The following CDK6 variants were observed in gnomAD, a reference collection of about 807,000 sequenced individuals.
CDK6 encodes cyclin dependent kinase 6.
Under a neutral mutation model 37.1 loss-of-function variants are expected in CDK6, and 6 were observed. That is an observed-to-expected ratio of 0.16 (90% confidence interval 0.09 to 0.32). The LOEUF is 0.32. Among genes scored for constraint, CDK6 ranks in the 10% least tolerant of loss-of-function variants. The pLI, the probability that CDK6 is intolerant of heterozygous loss-of-function variation, is 1.00. For synonymous variants in CDK6, 160 were observed against 161.3 expected, an observed-to-expected ratio of 0.99 and a Z score of 0.06; for missense variants, 224 against 418.9, an observed-to-expected ratio of 0.53 and a Z score of 4.06.
At chr7:92,710,904 A>C (rs1437628550) in intron 4 of CDK6, 3 of 969,280 alleles carry the variant, frequency 3.1e-6, no homozygotes, top group African/African-American at 3.5e-5. Flanking sequence ...GGCTGAAGTC[A>C]GAACATGCTG....
At chr7:92,670,095 G>A (rs183399096) in intron 5 of CDK6, among the ~76,000 whole-genome samples, 10 of 152,320 alleles carry the variant, frequency 6.6e-5, no homozygotes, top group Admixed American at 5.9e-4. Context: ...AATAGAACTT[G>A]CAAGCTTCCT....
In CDK6 at chr7:92,835,736, C is replaced by G. The variant is rs1801646968; in HGVS notation, c.-368+742G>C. ...AGAGGCCACACCGGGGACCGCGACTCCCGCGTGTGCGCACACGCAGATGCG... is the reference window on the plus strand; with the variant it reads ...AGAGGCCACACCGGGGACCGCGACTGCCGCGTGTGCGCACACGCAGATGCG... On this transcript the variant is annotated intron_variant, in intron 1 of 7. Coordinates refer to ENST00000424848, the MANE Select transcript of CDK6 (RefSeq NM_001145306.2). This position sits in a 1 kb window ranked among gnomAD's most constrained non-coding sequence, Gnocchi z 4.2. 6.6e-6 allele frequency among the ~76,000 whole-genome samples: 1 copy of G among 152,244 alleles called. No individual in the cohort carries two copies. Among genetic ancestry groups the G allele is most frequent in the Non-Finnish European group, 1.5e-5 (1 of 68,046 alleles).
At chr7:92,616,976 A>G (rs1201462051) in intron 7 of CDK6, among the ~76,000 whole-genome samples, 1 of 152,198 alleles carries the variant, frequency 6.6e-6, no homozygotes, top group Non-Finnish European at 1.5e-5. Flanking sequence ...TAATTAAAAA[A>G]CTTTGTGTTA....
At chr7:92,744,682 TA>T (rs1799013653) in intron 3 of CDK6, among the ~76,000 whole-genome samples, 1 of 152,232 alleles carries the variant, frequency 6.6e-6, no homozygotes, top group Admixed American at 6.5e-5. Context: ...CTTTGAAAAG[TA>T]AAACTATTAT....
At chr7:92,637,766 T>C (rs1054203304) in intron 5 of CDK6, among the ~76,000 whole-genome samples, 7 of 152,122 alleles carry the variant, frequency 4.6e-5, no homozygotes, top group African/African-American at 1.7e-4. Flanking sequence ...AAACTCAACA[T>C]CTACTATGCA....
chr7:92,682,531 G>A (rs775358215), intron 4 of CDK6, among the ~76,000 whole-genome samples: 39 of 152,120 alleles, frequency 2.6e-4, no homozygotes, highest in Non-Finnish European at 4.1e-4. Context: ...GTATCCTTAC[G>A]GTCTACTAGG....
intron 4 of CDK6, among the ~76,000 whole-genome samples, chr7:92,720,779 T>C (rs925696040): frequency 1.3e-5 from 2 of 152,172 alleles, no homozygotes; most frequent in African/African-American, 4.8e-5. Context: ...AGTTGCACCA[T>C]GCACTACATT....
chr7:92,743,468 G>A (rs1798981973), intron 3 of CDK6, among the ~76,000 whole-genome samples: 1 of 151,274 alleles, frequency 6.6e-6, no homozygotes, highest in South Asian at 2.1e-4. Context: ...ACACACAAGA[G>A]CGAAATTCTG....
intron 4 of CDK6, among the ~76,000 whole-genome samples, chr7:92,704,011 T>C (rs1797912692): frequency 6.6e-6 from 1 of 152,074 alleles, no homozygotes; most frequent in Middle Eastern, 3.2e-3. Flanking sequence ...CCAAACTCCC[T>C]CCTACCTTGG....
At chr7:92,836,013 T>C (rs1801661292) in intron 1 of CDK6, among the ~76,000 whole-genome samples, 1 of 152,140 alleles carries the variant, frequency 6.6e-6, no homozygotes, top group Non-Finnish European at 1.5e-5. Context: ...CTCAGCGAGC[T>C]GGAGAGGGAG....
chr7:92,637,066 G>C (rs113181986), intron 5 of CDK6, among the ~76,000 whole-genome samples: 5,525 of 152,286 alleles, frequency 0.036, 150 homozygotes, highest in Non-Finnish European at 0.056. Flanking sequence ...GCCACATGTT[G>C]CTACACTTAC....
At chr7:92,660,736 G>T (rs1181257876) in intron 5 of CDK6, among the ~76,000 whole-genome samples, 1 of 152,126 alleles carries the variant, frequency 6.6e-6, no homozygotes, top group African/African-American at 2.4e-5. Context: ...ACAGGACTTG[G>T]ATACAGAAGG....
At chr7:92,799,598 A>C (rs1800516328) in intron 2 of CDK6, among the ~76,000 whole-genome samples, 1 of 151,994 alleles carries the variant, frequency 6.6e-6, no homozygotes, top group Non-Finnish European at 1.5e-5. Flanking sequence ...TACAGACAGC[A>C]ACTGTGTCAG....
At chr7:92,818,427 GC>G (rs976173465) in intron 2 of CDK6, among the ~76,000 whole-genome samples, 1 of 151,914 alleles carries the variant, frequency 6.6e-6, no homozygotes, top group Admixed American at 6.6e-5. Flanking sequence ...CTTAGCTCAA[GC>G]CAAACACAAA....
In CDK6 at chr7:92,650,914, G is replaced by A. The variant is rs548679844; in HGVS notation, c.647+20512C>T. Among the ~76,000 whole-genome samples the A allele has an allele frequency of 1.7e-3, 258 of 150,434 alleles. 3 individuals carry two copies. Among genetic ancestry groups the A allele is most frequent in the African/African-American group, 6.1e-3 (250 of 40,834 alleles). ...TCTCTCTCTTTTTTTTTTTTTAGAC[G>A]GAGTCTCGCTCTGTTGCCAGGCTGG... On this transcript the variant is annotated intron_variant, in intron 5 of 7. Transcript: ENST00000424848.
At chr7:92,668,388 G>T (rs1797004488) in intron 5 of CDK6, among the ~76,000 whole-genome samples, 3 of 152,078 alleles carry the variant, frequency 2.0e-5, no homozygotes, top group Admixed American at 1.3e-4. Context: ...TTTTGTTTAG[G>T]ATGAGGCTAA....
chr7:92,731,007 C>T (rs977931278), intron 3 of CDK6, among the ~76,000 whole-genome samples: 2 of 152,148 alleles, frequency 1.3e-5, no homozygotes, highest in Non-Finnish European at 2.9e-5. Context: ...CTAACAGCAT[C>T]GTGTTAAGGT....
chr7:92,798,402 CTCT>C (rs1800470597), intron 2 of CDK6, among the ~76,000 whole-genome samples: 1 of 152,158 alleles, frequency 6.6e-6, no homozygotes, highest in Non-Finnish European at 1.5e-5. Flanking sequence ...TTTATCAAAT[CTCT>C]TCTTTTGCAT....
intron 2 of CDK6, among the ~76,000 whole-genome samples, chr7:92,795,178 T>A (rs1800378219): frequency 6.6e-6 from 1 of 152,138 alleles, no homozygotes. Context: ...ATGCTTTCTT[T>A]CCTCAGTAAC....
Sources: gnomAD v4.1 joint callset for allele counts (sites outside exome capture counted in the v4.1 genomes callset) on GRCh38, gnomAD v4.1.1 for gene constraint, Gnocchi (gnomAD v3.1) non-coding constraint, MANE v1.5 for transcripts, NCBI Gene and HGNC (gene_info 2026-07-23, HGNC 2026-07-21) for gene names.